MAP3K4: variants seen among roughly 807,000 people sequenced by gnomAD.
The protein encoded by MAP3K4 is MAP three kinase 1.
A neutral mutation model predicts 185.6 loss-of-function variants in MAP3K4; 67 were observed. That is an observed-to-expected ratio of 0.36 (90% CI 0.30 to 0.44). MAP3K4 has a LOEUF of 0.44. Ranked by LOEUF, MAP3K4 falls within the 20% of genes least tolerant of loss-of-function variation. The pLI is 1.00. For missense variants in MAP3K4, 1,551 were observed against 1,995.1 expected, an observed-to-expected ratio of 0.78 and a Z score of 4.24; for synonymous variants, 702 against 710.4, an observed-to-expected ratio of 0.99 and a Z score of 0.19.
At chr6:161,045,929 C>G (rs1307166448) in intron 2 of MAP3K4, among the ~76,000 whole-genome samples, 1 of 152,124 alleles carries the variant, frequency 6.6e-6, no homozygotes, top group Non-Finnish European at 1.5e-5. Flanking sequence ...CATTGCCTTT[C>G]TTCTGCACAC....
At position 161,038,901 on chromosome 6, in the gene MAP3K4, G is replaced by A. The variant is rs9295136; in HGVS notation, c.343+4452G>A. Among the ~76,000 whole-genome samples the A allele has an allele frequency of 9.3e-3, 1,416 of 152,274 alleles. 26 individuals are homozygous for A. Among genetic ancestry groups the A allele is most frequent in the African/African-American group, 0.033 (1,372 of 41,554 alleles). ...GGCTGAGAGAGCAGGAACAGCTGAG[G>A]GCTGCTGGCACAGTTTTCTTTCCAT... On this transcript the variant is annotated intron_variant, in intron 2 of 26. Transcript: ENST00000392142.
In MAP3K4 at chr6:161,070,089, G is replaced by T. The variant is rs936120722; in HGVS notation, c.1708-519G>T. 6.6e-6 allele frequency among the ~76,000 whole-genome samples: 1 copy of T among 152,172 alleles called. No homozygotes were observed. The highest frequency in any genetic ancestry group is 1.5e-5 in the Non-Finnish European group (1 of 68,020). ...TAACGATTTTTTAATTTTTCTGTCA[G>T]CATCGTTCATTACAGCTCAGGGGAA... On this transcript the variant is annotated intron_variant, in intron 3 of 26. Coordinates refer to ENST00000392142, the MANE Select transcript of MAP3K4 (RefSeq NM_005922.4). This position sits in a 1 kb window ranked among gnomAD's most constrained non-coding sequence, Gnocchi z 4.5.
intron 3 of MAP3K4, among the ~76,000 whole-genome samples, chr6:161,069,544 T>C (rs1027279120): frequency 2.0e-5 from 3 of 152,054 alleles, no homozygotes; most frequent in Admixed American, 1.3e-4. Flanking sequence ...CCATAGCAGC[T>C]CAAGTTGTTT....
Position 161,109,707 on chromosome 6 carries a change from A to G in MAP3K4, c.4237-48A>G. ...TTTTCCAGATTTTTCACTAGCGTACATCTAAGGAAAACCGTAAACACAGAG... is the reference window on the plus strand; with the variant it reads ...TTTTCCAGATTTTTCACTAGCGTACGTCTAAGGAAAACCGTAAACACAGAG... On this transcript the variant is annotated intron_variant, in intron 22 of 26. Coordinates refer to ENST00000392142, the MANE Select transcript of MAP3K4 (RefSeq NM_005922.4). This position sits in a 1 kb window ranked among gnomAD's most constrained non-coding sequence, Gnocchi z 5.7. 1 of 1,608,128 alleles carries G rather than the reference A, an allele frequency of 6.2e-7. No homozygotes were observed. The highest frequency in any genetic ancestry group is 8.5e-7 in the Non-Finnish European group (1 of 1,175,298).
rs1343238590 is a variant in MAP3K4 at position 161,067,940 on chromosome 6, G to C, written c.1708-2668G>C. On this transcript the variant is annotated intron_variant, in intron 3 of 26. Transcript: ENST00000392142. This position sits in a 1 kb window ranked among gnomAD's most constrained non-coding sequence, Gnocchi z 6.3. The stretch of plus-strand genomic sequence containing the variant: ...ACTGTTGGCATTAGGAGTACAATAG[G>C]GAATTTGAGAACTAAGAGCTTGTTA... Among the ~76,000 whole-genome samples, 1 of 152,162 alleles carries C rather than the reference G, an allele frequency of 6.6e-6. No individual in the cohort carries two copies. The highest frequency in any genetic ancestry group is 2.4e-5 in the African/African-American group (1 of 41,444).
chr6:161,114,784 C>T lies in MAP3K4; in HGVS notation c.4627-339C>T, dbSNP rs1778516963. On this transcript the variant is annotated intron_variant, in intron 25 of 26. Coordinates refer to ENST00000392142, the MANE Select transcript of MAP3K4 (RefSeq NM_005922.4). This position sits in a 1 kb window ranked among gnomAD's most constrained non-coding sequence, Gnocchi z 4.3. ...TGTCATTTTATATATTTTTTAGTTGCATGATGATGGCTTCTAGATACTGTT... is the reference window on the plus strand; with the variant it reads ...TGTCATTTTATATATTTTTTAGTTGTATGATGATGGCTTCTAGATACTGTT... Among the ~76,000 whole-genome samples the T allele has an allele frequency of 6.6e-6, 1 of 152,072 alleles. No individual in the cohort carries two copies. The highest frequency in any genetic ancestry group is 1.5e-5 in the Non-Finnish European group (1 of 68,022).
rs1562468286 is a variant in MAP3K4 at position 160,996,588 on chromosome 6, CTT to C, written c.152+4507_152+4508del. ...GTAGTATGTATGCTGTTTGAAGACT[CTT>C]TAACGTTGCCTATCAGTAGGCTACT... On this transcript the variant is annotated intron_variant, in intron 1 of 26. Coordinates refer to ENST00000392142, the MANE Select transcript of MAP3K4 (RefSeq NM_005922.4). The surrounding 1 kb of genome is among the most constrained non-coding windows in gnomAD (Gnocchi z 4.5). 6.6e-6 allele frequency among the ~76,000 whole-genome samples: 1 copy of C among 152,282 alleles called. No homozygotes were observed. Among genetic ancestry groups the C allele is most frequent in the East Asian group, 1.9e-4 (1 of 5,180 alleles).
Position 161,051,023 on chromosome 6 carries a change from G to A in MAP3K4, c.1707+1044G>A, listed in dbSNP as rs1332261189. The stretch of plus-strand genomic sequence containing the variant: ...GCACAACCTCGTATGCTTTAATCTC[G>A]AGATTATGTGTAATGCCTTATGTAA... On this transcript the variant is annotated intron_variant, in intron 3 of 26. Coordinates refer to ENST00000392142, the MANE Select transcript of MAP3K4 (RefSeq NM_005922.4). This position sits in a 1 kb window ranked among gnomAD's most constrained non-coding sequence, Gnocchi z 4.2. Among the ~76,000 whole-genome samples the A allele has an allele frequency of 1.3e-5, 2 of 152,098 alleles. No homozygotes were observed. The highest frequency in any genetic ancestry group is 4.8e-5 in the African/African-American group (2 of 41,406).
chr6:161,085,273 C>T (rs1279176212), intron 7 of MAP3K4, among the ~76,000 whole-genome samples: 1 of 152,056 alleles, frequency 6.6e-6, no homozygotes, highest in Non-Finnish European at 1.5e-5. Flanking sequence ...GTGTAGTGGT[C>T]CATTAATACA....
At chr6:161,085,466 T>A (rs1388096220) in intron 7 of MAP3K4, among the ~76,000 whole-genome samples, 1 of 152,220 alleles carries the variant, frequency 6.6e-6, no homozygotes, top group Non-Finnish European at 1.5e-5. Flanking sequence ...TATAGCAACT[T>A]TGTGGCCATA....
In MAP3K4 at chr6:161,048,264, A is replaced by G. The variant is rs1220292088; in HGVS notation, c.344-352A>G. The G allele has an allele frequency of 3.7e-6, 2 of 547,510 alleles. No individual in the cohort carries two copies. Among genetic ancestry groups the G allele is most frequent in the Non-Finnish European group, 7.4e-6 (2 of 270,144 alleles). The allele number at this position is 547,510 out of a possible 1,614,324, so 33.9% of individuals were successfully genotyped here. A position where few individuals can be genotyped will look rare whatever the true frequency, so the allele number is the denominator to read the frequency against. ...CATCCAGGTGTCCGTCAGATCTCCCATGCTGTTTCTTCCTCCTTAAATTGA... is the reference window on the plus strand; with the variant it reads ...CATCCAGGTGTCCGTCAGATCTCCCGTGCTGTTTCTTCCTCCTTAAATTGA... On this transcript the variant is annotated intron_variant, in intron 2 of 26. Transcript: ENST00000392142. The surrounding 1 kb of genome is among the most constrained non-coding windows in gnomAD (Gnocchi z 4.7).
intron 1 of MAP3K4, among the ~76,000 whole-genome samples, chr6:161,002,736 C>T (rs1354444155): frequency 1.3e-5 from 2 of 151,680 alleles, no homozygotes; most frequent in African/African-American, 2.4e-5. Flanking sequence ...GGACTACAGG[C>T]GCCTGCCACC....
In MAP3K4 at chr6:160,992,056, C is replaced by G. The variant is rs1409801690; in HGVS notation, c.125C>G (p.Ser42Ter). Residue 42 changes from serine (S) to a stop codon, truncating the protein, a stop_gained, in exon 1 of 27, where the codon TCA becomes TGA. Transcript: ENST00000392142. LOFTEE classifies it high-confidence loss of function. ...CCGCCACCGGAACCCGAGACCGAGT[C>G]AGAACCCGAGTGCTGCTTGGCGGCG... is the stretch of plus-strand genomic sequence containing the variant. ...PPPPPEPETE[S>*]EPECCLAARQ... 6.3e-7 allele frequency: 1 copy of G among 1,585,478 alleles called. No individual in the cohort carries two copies.
chr6:161,109,733 C>T lies in MAP3K4; in HGVS notation c.4237-22C>T, dbSNP rs1410666049. On this transcript the variant is annotated intron_variant, in intron 22 of 26. Coordinates refer to ENST00000392142, the MANE Select transcript of MAP3K4 (RefSeq NM_005922.4). This position sits in a 1 kb window ranked among gnomAD's most constrained non-coding sequence, Gnocchi z 5.7. Reference sequence around the variant, plus strand: ...TCTAAGGAAAACCGTAAACACAGAGCTGCCCTTTATTCCTCCCACAGGAAG... The same window carrying T: ...TCTAAGGAAAACCGTAAACACAGAGTTGCCCTTTATTCCTCCCACAGGAAG... 1.2e-6 allele frequency: 2 copies of T among 1,613,864 alleles called. No homozygotes were observed. The highest frequency in any genetic ancestry group is 1.7e-6 in the Non-Finnish European group (2 of 1,179,810).
In MAP3K4 at chr6:160,991,956, G is replaced by A; in HGVS notation, c.25G>A (p.Val9Ile). Residue 9 changes from valine to isoleucine, a missense_variant, in exon 1 of 27, where the codon GTC (valine) becomes ATC (isoleucine). Val to Ile is a conservative substitution (Grantham distance 29, BLOSUM62 3). Transcript: ENST00000392142. The surrounding 1 kb of genome is among the most constrained non-coding windows in gnomAD (Gnocchi z 5.7). ...GATGAGAGAAGCCGCTGCCGCGCTG[G>A]TCCCTCCTCCCGCCTTTGCCGTCAC... MREAAAAL[V>I]PPPAFAVTPA... 2 of 1,545,138 alleles carry A rather than the reference G, an allele frequency of 1.3e-6. No homozygotes were observed. The highest frequency in any genetic ancestry group is 1.2e-5 in the South Asian group (1 of 84,638).
chr6:161,116,075 C>T lies in MAP3K4; in HGVS notation c.4806+773C>T, dbSNP rs1444433576. On this transcript the variant is annotated intron_variant, in intron 26 of 26. Transcript: ENST00000392142. The surrounding 1 kb of genome is among the most constrained non-coding windows in gnomAD (Gnocchi z 6.2). ...ACAGCGGCATTTAAGAGTTAGAGTGCCGTGGCTGACCCCTGATTGGATGTG... is the reference window on the plus strand; with the variant it reads ...ACAGCGGCATTTAAGAGTTAGAGTGTCGTGGCTGACCCCTGATTGGATGTG... Among the ~76,000 whole-genome samples, 1 of 152,018 alleles carries T rather than the reference C, an allele frequency of 6.6e-6. No individual in the cohort carries two copies. The highest frequency in any genetic ancestry group is 1.5e-5 in the Non-Finnish European group (1 of 68,010).
In MAP3K4 at chr6:161,109,611, A is replaced by G. The variant is rs1223613974; in HGVS notation, c.4237-144A>G. 3 of 778,232 alleles carry G rather than the reference A, an allele frequency of 3.9e-6. No homozygotes were observed. Among genetic ancestry groups the G allele is most frequent in the South Asian group, 1.7e-5 (1 of 57,654 alleles). 48.2% of individuals were successfully genotyped at this position (778,232 alleles called of 1,614,324 possible). ...CTTAGAAACGACTGTTGTGAGACACATTCAGTGCTCAGGATGGCAAGTGTA... is the reference window on the plus strand; with the variant it reads ...CTTAGAAACGACTGTTGTGAGACACGTTCAGTGCTCAGGATGGCAAGTGTA... On this transcript the variant is annotated intron_variant, in intron 22 of 26. Coordinates refer to ENST00000392142, the MANE Select transcript of MAP3K4 (RefSeq NM_005922.4). This position sits in a 1 kb window ranked among gnomAD's most constrained non-coding sequence, Gnocchi z 5.7.
rs1424675169 is a variant in MAP3K4, at chr6:161,054,162, A to AT, written c.1707+4192dup. ...CTTTGTAAGCATGCTTTACAAAATA[A>AT]TTTTTTTTTGAGACAGAGTTTCGCT... On this transcript the variant is annotated intron_variant, in intron 3 of 26. Coordinates refer to ENST00000392142, the MANE Select transcript of MAP3K4 (RefSeq NM_005922.4). This position sits in a 1 kb window ranked among gnomAD's most constrained non-coding sequence, Gnocchi z 4.2. 1.3e-5 allele frequency among the ~76,000 whole-genome samples: 2 copies of AT among 151,496 alleles called. No individual in the cohort carries two copies. The highest frequency in any genetic ancestry group is 2.9e-5 in the Non-Finnish European group (2 of 67,852).
chr6:161,086,318 C>A lies in MAP3K4; in HGVS notation c.2373-61C>A. The A allele has an allele frequency of 2.2e-6, 2 of 909,028 alleles. No individual in the cohort carries two copies. Among genetic ancestry groups the A allele is most frequent in the South Asian group, 1.7e-5 (1 of 58,782 alleles). 56.3% of individuals were successfully genotyped at this position (909,028 alleles called of 1,614,324 possible). A position where few individuals can be genotyped will look rare whatever the true frequency, so the allele number is the denominator to read the frequency against. On this transcript the variant is annotated intron_variant, in intron 7 of 26. Coordinates refer to ENST00000392142, the MANE Select transcript of MAP3K4 (RefSeq NM_005922.4). The surrounding 1 kb of genome is among the most constrained non-coding windows in gnomAD (Gnocchi z 4.8). ...TTTGCTTCATCTTTATTGTTAAATC[C>A]CTCTTGCACCTCTGGAATATTCCCT...
Sources: allele counts gnomAD v4.1 joint callset (sites outside exome capture counted in the v4.1 genomes callset), GRCh38; gene constraint gnomAD v4.1.1; non-coding constraint Gnocchi (gnomAD v3.1); transcripts MANE v1.5; gene names NCBI Gene and HGNC (gene_info 2026-07-23, HGNC 2026-07-21).